TRPM3: variants seen among roughly 807,000 people sequenced by gnomAD.
TRPM3 encodes transient receptor potential cation channel subfamily M member 3.
Under a neutral mutation model 181.2 loss-of-function variants are expected in TRPM3, and 77 were observed. That is an observed-to-expected ratio of 0.42 (90% CI 0.35 to 0.51). The LOEUF is 0.51. Ranked by LOEUF, TRPM3 falls within the 20% of genes least tolerant of loss-of-function variation. TRPM3 has a pLI of 0.01. For missense variants in TRPM3, 1,759 were observed against 2,196.7 expected, an observed-to-expected ratio of 0.80 and a Z score of 3.98; for synonymous variants, 745 against 796.4, an observed-to-expected ratio of 0.94 and a Z score of 1.09.
At chr9:70,960,721 A>T (rs1033731918) in intron 1 of TRPM3, among the ~76,000 whole-genome samples, 1 of 152,188 alleles carries the variant, frequency 6.6e-6, no homozygotes, top group Admixed American at 6.5e-5. Context: ...TCGTTCTCAC[A>T]TGCAACATAC....
chr9:71,029,537 G>A (rs960477841), intron 1 of TRPM3, among the ~76,000 whole-genome samples: 2 of 152,042 alleles, frequency 1.3e-5, no homozygotes, highest in African/African-American at 2.4e-5. Context: ...AGATTTATTT[G>A]TTCCAAATTT....
intron 22 of TRPM3, among the ~76,000 whole-genome samples, chr9:70,567,553 C>T (rs368469154): frequency 5.8e-4 from 89 of 152,220 alleles, no homozygotes; most frequent in East Asian, 2.7e-3. Context: ...TTTTAATAAG[C>T]GAATGCTTCA....
intron 8 of TRPM3, among the ~76,000 whole-genome samples, chr9:70,693,496 TA>T (rs1330694172): frequency 6.6e-6 from 1 of 152,328 alleles, no homozygotes; most frequent in African/African-American, 2.4e-5. Flanking sequence ...CATTTTGTCA[TA>T]TTTTTTCATC....
chr9:71,315,471 A>T (rs1219944423), intron 1 of TRPM3, among the ~76,000 whole-genome samples: 3 of 151,952 alleles, frequency 2.0e-5, no homozygotes, highest in Non-Finnish European at 4.4e-5. Flanking sequence ...TTATCTTTCT[A>T]CTCTGTCTAG....
intron 1 of TRPM3, among the ~76,000 whole-genome samples, chr9:71,002,316 T>G (rs560598050): frequency 7.9e-5 from 12 of 152,348 alleles, no homozygotes; most frequent in Admixed American, 2.0e-4. Context: ...CAATGATCAG[T>G]TGCTAGAAAC....
At chr9:70,645,176 ATTGAC>A in intron 9 of TRPM3, among the ~76,000 whole-genome samples, 1 of 152,310 alleles carries the variant, frequency 6.6e-6, no homozygotes, top group East Asian at 1.9e-4. Flanking sequence ...TCAAGCTACC[ATTGAC>A]TTTCTTCACA....
chr9:70,922,494 G>T (rs1281056004), intron 1 of TRPM3, among the ~76,000 whole-genome samples: 2 of 152,164 alleles, frequency 1.3e-5, no homozygotes, highest in Non-Finnish European at 2.9e-5. Context: ...TCATAAAGCT[G>T]TTAAAAATGG....
chr9:71,060,956 A>C (rs926719186), intron 1 of TRPM3, among the ~76,000 whole-genome samples: 1 of 152,084 alleles, frequency 6.6e-6, no homozygotes, highest in Non-Finnish European at 1.5e-5. Context: ...AATGCTGAGG[A>C]GGAGAAAAGC....
chr9:70,614,880 T>C (rs2062548049), intron 18 of TRPM3, among the ~76,000 whole-genome samples: 1 of 152,032 alleles, frequency 6.6e-6, no homozygotes, highest in Non-Finnish European at 1.5e-5. Context: ...AAAACTATGG[T>C]GAGATTGTTA....
chr9:71,181,520 A>G (rs62546793), intron 1 of TRPM3, among the ~76,000 whole-genome samples: 2 of 152,140 alleles, frequency 1.3e-5, no homozygotes, highest in Non-Finnish European at 2.9e-5. Context: ...GAATGATAGA[A>G]GAAGGATGCA....
intron 1 of TRPM3, among the ~76,000 whole-genome samples, chr9:71,370,155 T>C (rs1041952558): frequency 6.6e-6 from 1 of 152,296 alleles, no homozygotes; most frequent in Non-Finnish European, 1.5e-5. Flanking sequence ...TCCCTCTCCG[T>C]GGGCCTGTCT....
chr9:70,894,081 A>C (rs1398341374), intron 1 of TRPM3, among the ~76,000 whole-genome samples: 1 of 152,208 alleles, frequency 6.6e-6, no homozygotes, highest in East Asian at 1.9e-4. Context: ...GAAAGCATAT[A>C]TAATAGAATG....
chr9:71,265,746 C>A (rs1319681078), intron 1 of TRPM3, among the ~76,000 whole-genome samples: 3 of 152,322 alleles, frequency 2.0e-5, no homozygotes, highest in East Asian at 3.9e-4. Flanking sequence ...CCAGCAATAT[C>A]TATTGTATGT....
chr9:70,861,034 T>C (rs2095506891), intron 3 of TRPM3, among the ~76,000 whole-genome samples: 1 of 152,184 alleles, frequency 6.6e-6, no homozygotes, highest in Non-Finnish European at 1.5e-5. Context: ...TCTTCGCTTC[T>C]AACCTCCTAA....
intron 1 of TRPM3, among the ~76,000 whole-genome samples, chr9:71,205,037 G>A (rs949664202): frequency 9.9e-5 from 15 of 151,898 alleles, no homozygotes; most frequent in African/African-American, 3.6e-4. Flanking sequence ...CACAGGAAGG[G>A]GAACATCACA....
intron 5 of TRPM3, 109 bp downstream of exon 5, chr9:70,842,894 G>T: frequency 9.3e-7 from 1 of 1,079,500 alleles, no homozygotes; most frequent in Non-Finnish European, 1.3e-6. Flanking sequence ...TTAGTGAGTA[G>T]AGACCCAAAG....
intron 1 of TRPM3, among the ~76,000 whole-genome samples, chr9:71,406,894 A>C (rs2093445667): frequency 6.6e-6 from 1 of 152,148 alleles, no homozygotes; most frequent in Admixed American, 6.6e-5. Flanking sequence ...GATCAGGCTT[A>C]ATATGGGGAA....
At chr9:70,682,532 T>C (rs554398904) in intron 8 of TRPM3, among the ~76,000 whole-genome samples, 3 of 152,178 alleles carry the variant, frequency 2.0e-5, no homozygotes, top group African/African-American at 7.2e-5. Context: ...CCTAGAACAA[T>C]GAGATTGTCA....
At chr9:71,123,060 G>C (rs1212783611), upstream of TRPM3, among the ~76,000 whole-genome samples, 1 of 152,120 alleles carries the variant, frequency 6.6e-6, no homozygotes, top group African/African-American at 2.4e-5. Flanking sequence ...AGCAAGTGAG[G>C]TCCAGAGAAA....
Sources: gnomAD v4.1 joint callset for allele counts (sites outside exome capture counted in the v4.1 genomes callset) on GRCh38, gnomAD v4.1.1 for gene constraint, MANE v1.5 for transcripts, NCBI Gene and HGNC (gene_info 2026-07-23, HGNC 2026-07-21) for gene names.